GCNT1: variants seen among roughly 807,000 people sequenced by gnomAD.
GCNT1 encodes the protein glucosaminyl (N-acetyl) transferase 1.
In GCNT1, 16 loss-of-function variants were observed where a neutral mutation model predicts 26.2. The ratio of observed to expected loss-of-function variants is 0.61; its 90% CI spans 0.41 to 0.93. The LOEUF (loss-of-function observed/expected upper bound fraction) is 0.93. Ranked by LOEUF, GCNT1 falls within the 40% of genes least tolerant of loss-of-function variation. The pLI is 0.00. For synonymous variants in GCNT1, 183 were observed against 190.8 expected (o/e 0.96, Z 0.34); for missense variants, 477 against 526.7 (o/e 0.91, Z 0.92).
chr9:76,428,292 T>TAAAAAAAAAAAAAATAAA (rs1279001629), intron 1 of GCNT1, among the ~76,000 whole-genome samples: 1 of 85,894 alleles, frequency 1.2e-5, no homozygotes, highest in Non-Finnish European at 2.6e-5. Context: ...AAAAAAAACT[T>TAAAAAAAAAAAAAATAAA]AAAAAAAAAA....
At chr9:76,403,157 A>G in the GCNT1 span, among the ~76,000 whole-genome samples, 1 of 152,184 alleles carries the variant, frequency 6.6e-6, no homozygotes, top group African/African-American at 2.4e-5. Context: ...GAAAACCAAG[A>G]GCTTACCTAC....
chr9:76,400,080 C>T, the GCNT1 span, among the ~76,000 whole-genome samples: 2 of 151,960 alleles, frequency 1.3e-5, no homozygotes, highest in African/African-American at 2.4e-5. Context: ...AGTTGGAGGT[C>T]GGAGGGAGGG....
chr9:76,449,189 G>A (rs534939771), intron 1 of GCNT1, among the ~76,000 whole-genome samples: 4 of 151,922 alleles, frequency 2.6e-5, no homozygotes, highest in South Asian at 2.1e-4. Context: ...ATAAATTAGC[G>A]GGGCGGGGTA....
At position 76,443,890 on chromosome 9, in the gene GCNT1, AAAGAAAGAAAGG is replaced by A. The variant is rs1172036973; in HGVS notation, c.-290+1583_-290+1594del. On this transcript the variant is annotated intron_variant, in intron 1 of 2. Transcript: ENST00000442371. ...GTCTAAAAAAAGGAAAGAAAGAAAG[AAAGAAAGAAAGG>A]AAGAAAGGAAGAAAGGAAGAAAGGA... 2.0e-4 allele frequency among the ~76,000 whole-genome samples: 18 copies of A among 88,508 alleles called. 2 individuals are homozygous for A. The highest frequency in any genetic ancestry group is 7.9e-4 in the South Asian group (2 of 2,526). The allele number at this position is 88,508 out of a possible 152,430, so 58.1% of individuals were successfully genotyped here. A position where few individuals can be genotyped will look rare whatever the true frequency, so the allele number is the denominator to read the frequency against.
intron 2 of GCNT1, among the ~76,000 whole-genome samples, chr9:76,480,432 T>G (rs568368421): frequency 1.3e-5 from 2 of 152,328 alleles, no homozygotes; most frequent in East Asian, 1.9e-4. Context: ...ATTGAATCTA[T>G]AAATTACCTT....
chr9:76,428,043 A>G (rs528069180), intron 1 of GCNT1, among the ~76,000 whole-genome samples: 18 of 151,970 alleles, frequency 1.2e-4, no homozygotes, highest in Non-Finnish European at 2.1e-4. Context: ...AAGGCGGGCA[A>G]ATCACGAGGT....
chr9:76,396,032 A>G, the GCNT1 span, among the ~76,000 whole-genome samples: 1 of 152,214 alleles, frequency 6.6e-6, no homozygotes, highest in Non-Finnish European at 1.5e-5. Flanking sequence ...AATATGCAAG[A>G]ATGGTATATT....
the GCNT1 span, among the ~76,000 whole-genome samples, chr9:76,396,772 C>CA: frequency 5.9e-5 from 9 of 152,190 alleles, no homozygotes; most frequent in Admixed American, 2.6e-4. Flanking sequence ...AACCTGGCGG[C>CA]AGTTGCAGTG....
intron 1 of GCNT1, among the ~76,000 whole-genome samples, chr9:76,445,426 C>T (rs1465735875): frequency 6.6e-6 from 1 of 152,002 alleles, no homozygotes; most frequent in Non-Finnish European, 1.5e-5. Context: ...CTCACTCTTT[C>T]ACCCAGGCTG....
At position 76,503,419 on chromosome 9, in the gene GCNT1, C is replaced by A; in HGVS notation, c.1038C>A (p.Asp346Glu). The change falls in exon 4 of 4, where the codon GAC (aspartate) becomes GAA (glutamate). Residue 346 changes from aspartate to glutamate, a missense_variant. Asp to Glu is a conservative substitution (Grantham distance 45). Coordinates refer to ENST00000376730, the MANE Select transcript of GCNT1 (RefSeq NM_001490.5). ...LPASHKYDLS[D>E]MQAVARFVKW... is the part of the protein sequence containing the mutation. The stretch of plus-strand genomic sequence containing the variant: ...CCAGCCATAAGTATGATCTGTCTGA[C>A]ATGCAAGCAGTTGCCAGGTTTGTCA... 6.2e-7 allele frequency: 1 copy of A among 1,614,170 alleles called. No individual in the cohort carries two copies. Among genetic ancestry groups the A allele is most frequent in the Non-Finnish European group, 8.5e-7 (1 of 1,180,006 alleles).
intron 1 of GCNT1, among the ~76,000 whole-genome samples, chr9:76,444,300 A>C (rs986177124): frequency 6.6e-6 from 1 of 152,190 alleles, no homozygotes; most frequent in African/African-American, 2.4e-5. Flanking sequence ...GTCGAGGTTA[A>C]ATCTAGATGT....
chr9:76,487,047 C>T (rs1356758446), intron 2 of GCNT1, among the ~76,000 whole-genome samples: 1 of 152,210 alleles, frequency 6.6e-6, no homozygotes, highest in Non-Finnish European at 1.5e-5. Flanking sequence ...AGGAGCTAAG[C>T]AGCTCACTGC....
chr9:76,430,733 A>T (rs1416629055), intron 1 of GCNT1, among the ~76,000 whole-genome samples: 1 of 151,820 alleles, frequency 6.6e-6, no homozygotes, highest in Non-Finnish European at 1.5e-5. Context: ...GCCCAGGCTG[A>T]AGTGCAGTGG....
chr9:76,494,528 G>C (rs889840949), intron 2 of GCNT1, among the ~76,000 whole-genome samples: 4 of 152,168 alleles, frequency 2.6e-5, no homozygotes, highest in Non-Finnish European at 5.9e-5. Flanking sequence ...TTCAGGAGTA[G>C]CTTTTGTTAG....
At chr9:76,419,200 A>G (rs1373603294), upstream of GCNT1, among the ~76,000 whole-genome samples, 1 of 151,964 alleles carries the variant, frequency 6.6e-6, no homozygotes, top group African/African-American at 2.4e-5. Flanking sequence ...CCCCATCCCA[A>G]TCATCACCAT....
intron 2 of GCNT1, among the ~76,000 whole-genome samples, chr9:76,499,810 G>A (rs1825012782): frequency 6.6e-6 from 1 of 152,040 alleles, no homozygotes; most frequent in Admixed American, 6.6e-5. Context: ...AATTAAGCCA[G>A]TATTTATACA....
At chr9:76,397,230 C>T in the GCNT1 span, among the ~76,000 whole-genome samples, 1 of 151,758 alleles carries the variant, frequency 6.6e-6, no homozygotes, top group Admixed American at 6.6e-5. Context: ...TGCTATGAGC[C>T]GAGATTGCTC....
At chr9:76,406,361 G>A in the GCNT1 span, among the ~76,000 whole-genome samples, 1 of 151,966 alleles carries the variant, frequency 6.6e-6, no homozygotes, top group Non-Finnish European at 1.5e-5. Context: ...CTGGGCATGG[G>A]TGATATGTGC....
At chr9:76,451,858 G>A (rs1362299104) in intron 1 of GCNT1, among the ~76,000 whole-genome samples, 2 of 151,638 alleles carry the variant, frequency 1.3e-5, no homozygotes, top group Non-Finnish European at 2.9e-5. Context: ...TATTGTAGCA[G>A]ACTAGTCAAG....
Sources: gnomAD v4.1 joint callset for allele counts (sites outside exome capture counted in the v4.1 genomes callset) on GRCh38, gnomAD v4.1.1 for gene constraint, MANE v1.5 for transcripts, NCBI Gene and HGNC (gene_info 2026-07-23, HGNC 2026-07-21) for gene names.